The following ERBB4 variants were observed in gnomAD, a reference collection of about 807,000 sequenced individuals.
ERBB4 encodes the protein erb-b2 receptor tyrosine kinase 4.
Under a neutral mutation model 158.0 loss-of-function variants are expected in ERBB4, and 42 were observed. That is an observed-to-expected ratio of 0.27 (90% confidence interval 0.21 to 0.34). The LOEUF (loss-of-function observed/expected upper bound fraction) is 0.34, where lower values mean the gene tolerates loss of function less well. Among genes scored for constraint, ERBB4 ranks in the 10% least tolerant of loss-of-function variants. The pLI is 1.00. For missense variants in ERBB4, 1,333 were observed against 1,624.1 expected (o/e 0.82, Z 3.08); for synonymous variants, 583 against 558.7 (o/e 1.04, Z -0.61).
At chr2:211,454,913 G>T (rs181727396) in intron 20 of ERBB4, among the ~76,000 whole-genome samples, 74 of 152,338 alleles carry the variant, frequency 4.9e-4, no homozygotes, top group African/African-American at 1.8e-3. Context: ...GAGCCGGCTG[G>T]CTGGCCGGCA....
chr2:211,825,563 A>G (rs2077083618), intron 3 of ERBB4, among the ~76,000 whole-genome samples: 1 of 151,706 alleles, frequency 6.6e-6, no homozygotes, highest in Non-Finnish European at 1.5e-5. Context: ...TGTTCTGAGC[A>G]TTTAGCAATT....
chr2:211,443,859 TTAAGAG>T (rs1178208323), intron 20 of ERBB4, among the ~76,000 whole-genome samples: 2 of 152,098 alleles, frequency 1.3e-5, no homozygotes, highest in Non-Finnish European at 2.9e-5. Context: ...CTTAGAACAG[TTAAGAG>T]TAAAACTCAA....
chr2:211,384,476 G>A (rs1347179905), intron 27 of ERBB4, among the ~76,000 whole-genome samples: 1 of 152,066 alleles, frequency 6.6e-6, no homozygotes, highest in Non-Finnish European at 1.5e-5. Flanking sequence ...GAAAAAACAA[G>A]AATCTATAGC....
intron 3 of ERBB4, among the ~76,000 whole-genome samples, chr2:211,889,705 G>C (rs1229108342): frequency 6.8e-6 from 1 of 146,734 alleles, no homozygotes; most frequent in Non-Finnish European, 1.5e-5. Flanking sequence ...ACAGAGAAGT[G>C]CTTAAAGCAG....
At chr2:211,862,071 G>C (rs367836001) in intron 3 of ERBB4, among the ~76,000 whole-genome samples, 1 of 152,182 alleles carries the variant, frequency 6.6e-6, no homozygotes, top group African/African-American at 2.4e-5. Context: ...TAACCTTGCT[G>C]TTACTAAAAT....
intron 20 of ERBB4, among the ~76,000 whole-genome samples, chr2:211,526,577 C>A (rs112621582): frequency 0.012 from 1,860 of 152,084 alleles, 35 homozygotes; most frequent in African/African-American, 0.043. Context: ...AGACAGTGAT[C>A]CCACCAAATA....
chr2:211,530,158 G>C (rs1372526966), intron 20 of ERBB4, among the ~76,000 whole-genome samples: 3 of 152,028 alleles, frequency 2.0e-5, no homozygotes, highest in East Asian at 1.9e-4. Flanking sequence ...AAAGTTGCAG[G>C]ATACAAAATC....
chr2:212,280,919 C>G (rs922563974), intron 1 of ERBB4, among the ~76,000 whole-genome samples: 1 of 151,572 alleles, frequency 6.6e-6, no homozygotes, highest in Non-Finnish European at 1.5e-5. Context: ...ATCAGAAGAA[C>G]CAGACCTAGA....
At chr2:212,042,614 A>T (rs1353524142) in intron 2 of ERBB4, among the ~76,000 whole-genome samples, 1 of 152,096 alleles carries the variant, frequency 6.6e-6, no homozygotes, top group South Asian at 2.1e-4. Context: ...TAATCTACAT[A>T]ACATTTCCTT....
At chr2:212,476,329 G>T (rs971684861) in intron 1 of ERBB4, among the ~76,000 whole-genome samples, 1 of 152,046 alleles carries the variant, frequency 6.6e-6, no homozygotes, top group Non-Finnish European at 1.5e-5. Context: ...TCTATCACTA[G>T]TATACCTAGC....
intron 3 of ERBB4, among the ~76,000 whole-genome samples, chr2:211,903,675 T>A (rs1304708281): frequency 2.0e-5 from 3 of 151,984 alleles, no homozygotes; most frequent in Non-Finnish European, 4.4e-5. Context: ...TGCCAATATT[T>A]AATCCCTTTG....
chr2:212,454,190 C>T (rs972817604), intron 1 of ERBB4, among the ~76,000 whole-genome samples: 2 of 152,174 alleles, frequency 1.3e-5, no homozygotes, highest in Non-Finnish European at 2.9e-5. Flanking sequence ...CTACCCGCCT[C>T]GGCCTCCCAA....
intron 1 of ERBB4, among the ~76,000 whole-genome samples, chr2:212,214,853 C>T (rs1380041473): frequency 6.6e-6 from 1 of 151,590 alleles, no homozygotes; most frequent in East Asian, 1.9e-4. Flanking sequence ...AGACACAACT[C>T]TATGTTTATT....
chr2:212,426,341 C>T (rs2091911878), intron 1 of ERBB4: 2 of 446,176 alleles, frequency 4.5e-6, no homozygotes, highest in Admixed American at 3.1e-5. Context: ...ATTATGTTCG[C>T]ACCAACCTAA....
intron 3 of ERBB4, among the ~76,000 whole-genome samples, chr2:211,825,761 T>C (rs565483525): frequency 3.4e-5 from 5 of 146,312 alleles, no homozygotes; most frequent in East Asian, 1.9e-4. Context: ...TTTGTCATTA[T>C]ATATATATTA....
intron 1 of ERBB4, among the ~76,000 whole-genome samples, chr2:212,228,171 T>G (rs1328248015): frequency 6.6e-6 from 1 of 152,192 alleles, no homozygotes; most frequent in African/African-American, 2.4e-5. Flanking sequence ...CCATAAAGAT[T>G]TTAAAAATAA....
chr2:211,628,978 AT>A (rs1238314833), intron 17 of ERBB4, among the ~76,000 whole-genome samples: 2 of 152,136 alleles, frequency 1.3e-5, no homozygotes, highest in Non-Finnish European at 2.9e-5. Context: ...CTTTTGAGAA[AT>A]GTCTGTTCAT....
rs924016214 is a variant in ERBB4 at position 212,145,678 on chromosome 2, C to T, written c.83-20775G>A. Reference sequence around the variant, plus strand: ...ACCTGAGATTCAACAGCTAAGTGTACAGCCTTGGCTGTGCCCACTCAACAC... The same window carrying T: ...ACCTGAGATTCAACAGCTAAGTGTATAGCCTTGGCTGTGCCCACTCAACAC... On this transcript the variant is annotated intron_variant, in intron 1 of 27. Coordinates refer to ENST00000342788, the MANE Select transcript of ERBB4 (RefSeq NM_005235.3). Among the ~76,000 whole-genome samples the T allele has an allele frequency of 2.9e-5, 4 of 136,462 alleles. 1 individual carries two copies. Among genetic ancestry groups the T allele is most frequent in the Non-Finnish European group, 6.1e-5 (4 of 65,118 alleles). The allele number at this position is 136,462 out of a possible 152,430, so 89.5% of individuals were successfully genotyped here. A position where few individuals can be genotyped will look rare whatever the true frequency, so the allele number is the denominator to read the frequency against.
chr2:212,193,207 C>G (rs1484858276), intron 1 of ERBB4, among the ~76,000 whole-genome samples: 2 of 152,274 alleles, frequency 1.3e-5, no homozygotes, highest in Admixed American at 6.5e-5. Context: ...CTCCTCCCAA[C>G]TAATTTGCCA....
Sources: gnomAD v4.1 joint callset for allele counts (sites outside exome capture counted in the v4.1 genomes callset) on GRCh38, gnomAD v4.1.1 for gene constraint, MANE v1.5 for transcripts, NCBI Gene and HGNC (gene_info 2026-07-23, HGNC 2026-07-21) for gene names.